ZC3HAV1L: variants seen among roughly 807,000 people sequenced by gnomAD.
ZC3HAV1L encodes ZC3HAV1 like.
Under a neutral mutation model 28.2 loss-of-function variants are expected in ZC3HAV1L, and 23 were observed. The observed-to-expected ratio is 0.82, with a 90% CI of 0.59 to 1.16. The LOEUF (loss-of-function observed/expected upper bound fraction) is 1.16. Ranked by LOEUF, ZC3HAV1L falls within the 50% of genes most tolerant of loss-of-function variation. ZC3HAV1L has a pLI of 0.00. For missense variants in ZC3HAV1L, 376 were observed against 387.7 expected (o/e 0.97, Z 0.25); for synonymous variants, 180 against 163.4 (o/e 1.10, Z -0.78).
intron 2 of ZC3HAV1L, among the ~76,000 whole-genome samples, chr7:139,033,037 A>C (rs1442814308): frequency 1.3e-5 from 2 of 152,126 alleles, no homozygotes; most frequent in African/African-American, 4.8e-5. Flanking sequence ...GTGAAACGCT[A>C]TCTCTACCAA....
intron 2 of ZC3HAV1L, among the ~76,000 whole-genome samples, chr7:139,031,276 T>C (rs1387985534): frequency 6.6e-6 from 1 of 152,090 alleles, no homozygotes; most frequent in Admixed American, 6.6e-5. Flanking sequence ...AGCAAGACTC[T>C]GTCTCTACAG....
At chr7:139,028,591 G>C (rs1350353186) in intron 3 of ZC3HAV1L, 111 bp downstream of exon 3, 1 of 1,365,950 alleles carries the variant, frequency 7.3e-7, no homozygotes, top group East Asian at 2.3e-5. Flanking sequence ...ATTAACATAG[G>C]AACTGCTTTG....
Position 139,028,587 on chromosome 7 carries a change from A to G in ZC3HAV1L, c.760+115T>C. On this transcript the variant is annotated intron_variant, in intron 3 of 4. Transcript: ENST00000275766. ...TCCCAAGAACAAAGATGAAATTAAC[A>G]TAGGAACTGCTTTGCCCCCAGACTC... is the stretch of plus-strand genomic sequence containing the variant. 3 of 1,347,762 alleles carry G rather than the reference A, an allele frequency of 2.2e-6. No individual in the cohort carries two copies. The South Asian group carries it at 4.2e-5, about 19-fold the overall frequency. 83.5% of individuals were successfully genotyped at this position (1,347,762 alleles called of 1,614,324 possible). A position where few individuals can be genotyped will look rare whatever the true frequency, so the allele number is the denominator to read the frequency against.
intron 2 of ZC3HAV1L, among the ~76,000 whole-genome samples, chr7:139,032,659 A>G (rs1412081027): frequency 6.6e-6 from 1 of 150,428 alleles, no homozygotes; most frequent in Non-Finnish European, 1.5e-5. Flanking sequence ...ATAAAAATAA[A>G]AATAAAATAA....
rs779584170 is a variant in ZC3HAV1L at position 139,035,851 on chromosome 7, G to C, written c.167C>G (p.Thr56Arg). The change falls in exon 1 of 5, where the codon ACG becomes AGG. Residue 56 changes from threonine to arginine, a missense_variant. Coordinates refer to ENST00000275766, the MANE Select transcript of ZC3HAV1L (RefSeq NM_080660.4). ...PERFLLQEVE[T>R]QEGLGDAEAE... is the part of the protein sequence containing the mutation. ...CTCCGCGTCCCCGAGGCCCTCCTGC[G>C]TCTCCACCTCCTGCAGCAGGAAACG... The C allele has an allele frequency of 2.0e-6, 3 of 1,504,036 alleles. No individual in the cohort carries two copies. Among genetic ancestry groups the C allele is most frequent in the Non-Finnish European group, 2.6e-6 (3 of 1,134,390 alleles). 93.2% of individuals were successfully genotyped at this position (1,504,036 alleles called of 1,614,324 possible).
chr7:139,035,440 A>G lies in ZC3HAV1L; in HGVS notation c.365+213T>C, dbSNP rs184631964. On this transcript the variant is annotated intron_variant, in intron 1 of 4. Transcript: ENST00000275766. ...AACTTTTCTGGCGTGGGCGGTTGAG[A>G]CGTCTCCATGGAGAGGACCTTCGCG... The G allele has an allele frequency of 6.1e-6, 6 of 985,150 alleles. No individual in the cohort carries two copies. In the Admixed American group the frequency reaches 3.1e-4, roughly 51 times the overall value. 61.0% of individuals were successfully genotyped at this position (985,150 alleles called of 1,614,324 possible).
Position 139,026,418 on chromosome 7 carries a change from C to T in ZC3HAV1L, c.*126G>A, listed in dbSNP as rs1227927738. The T allele has an allele frequency of 4.1e-6, 6 of 1,461,728 alleles. No individual in the cohort carries two copies. The highest frequency in any genetic ancestry group is 5.5e-6 in the Non-Finnish European group (6 of 1,099,666). The allele number at this position is 1,461,728 out of a possible 1,614,324, so 90.5% of individuals were successfully genotyped here. A position where few individuals can be genotyped will look rare whatever the true frequency, so the allele number is the denominator to read the frequency against. ...AGCAGCTGCCATCTTCAGCACTTGC[C>T]CTGGACTAGCCCCATCTGCACTCAA... On this transcript the variant is annotated 3_prime_UTR_variant, in exon 5 of 5. Transcript: ENST00000275766.
intron 1 of ZC3HAV1L, 169 bp from the exon 2 acceptor site, chr7:139,034,847 G>A (rs1815651397): frequency 2.0e-6 from 2 of 985,270 alleles, no homozygotes; most frequent in Non-Finnish European, 2.4e-6. Flanking sequence ...AAGAAAATTG[G>A]GTTGAAGGAA....
chr7:139,028,844 G>A lies in ZC3HAV1L; in HGVS notation c.618C>T (p.Thr206=), dbSNP rs771762003. The A allele has an allele frequency of 1.3e-5, 21 of 1,613,988 alleles. No individual in the cohort carries two copies. The highest frequency in any genetic ancestry group is 1.8e-5 in the Non-Finnish European group (21 of 1,180,032). The change falls in exon 3 of 5, where the codon ACC becomes ACT. Residue 206 remains threonine (T), a synonymous_variant. Coordinates refer to ENST00000275766, the MANE Select transcript of ZC3HAV1L (RefSeq NM_080660.4). ...SFVKGECKLQ[T]CKRSHQLIHA... ...GGATAAGCTGATGGGACCGTTTGCAGGTCTGAAGTTTGCATTCTCCTTTCA... is the reference window on the plus strand; with the variant it reads ...GGATAAGCTGATGGGACCGTTTGCAAGTCTGAAGTTTGCATTCTCCTTTCA...
chr7:139,025,529 C>T (rs1398140826), downstream of ZC3HAV1L, among the ~76,000 whole-genome samples: 1 of 151,548 alleles, frequency 6.6e-6, no homozygotes, highest in South Asian at 2.1e-4. Flanking sequence ...GTACTACTGG[C>T]TGAGGATGGA....
intron 3 of ZC3HAV1L, among the ~76,000 whole-genome samples, chr7:139,027,523 TA>T (rs1815390767): frequency 6.6e-6 from 1 of 151,992 alleles, no homozygotes; most frequent in Non-Finnish European, 1.5e-5. Context: ...AGAAAAATTT[TA>T]AAAAATAGCT....
intron 1 of ZC3HAV1L, chr7:139,034,904 C>A (rs1302654756): frequency 1.0e-6 from 1 of 985,314 alleles, no homozygotes; most frequent in Non-Finnish European, 1.2e-6. Context: ...TGCTTTGAAG[C>A]CAAGGGTCGC....
At position 139,035,843 on chromosome 7, in the gene ZC3HAV1L, C is replaced by T. The variant is rs755633887; in HGVS notation, c.175G>A (p.Gly59Ser). 1.3e-5 allele frequency: 20 copies of T among 1,498,894 alleles called. No homozygotes were observed. In the South Asian group the frequency reaches 1.9e-4, roughly 14 times the overall value. The allele number at this position is 1,498,894 out of a possible 1,614,324, so 92.8% of individuals were successfully genotyped here. The change falls in exon 1 of 5, where the codon GGC becomes AGC. Residue 59 changes from glycine to serine, a missense_variant. Transcript: ENST00000275766. ...GCCTCGGCCTCCGCGTCCCCGAGGC[C>T]CTCCTGCGTCTCCACCTCCTGCAGC... The part of the protein sequence containing the change: ...FLLQEVETQE[G>S]LGDAEAEAAA...
At chr7:139,034,108 A>C (rs1443070186) in intron 2 of ZC3HAV1L, 1 of 985,306 alleles carries the variant, frequency 1.0e-6, no homozygotes, top group Non-Finnish European at 1.2e-6. Context: ...TCCTACCTCT[A>C]GTCTTGTGGC....
intron 2 of ZC3HAV1L, among the ~76,000 whole-genome samples, chr7:139,030,850 TTAATTAAA>T (rs1815511139): frequency 6.6e-6 from 1 of 151,002 alleles, no homozygotes; most frequent in South Asian, 2.1e-4. Flanking sequence ...AATTAATTAA[TTAATTAAA>T]TAAAGTGAAA....
At position 139,036,022 on chromosome 7, in the gene ZC3HAV1L, G is replaced by C; in HGVS notation, c.-5C>G. The C allele has an allele frequency of 1.7e-5, 25 of 1,499,422 alleles. No homozygotes were observed. Among genetic ancestry groups the C allele is most frequent in the Non-Finnish European group, 2.2e-5 (25 of 1,132,320 alleles). 92.9% of individuals were successfully genotyped at this position (1,499,422 alleles called of 1,614,324 possible). Reference sequence around the variant, plus strand: ...GCACACTGTGGGCTCCGCCATGGTCGCTGGCGCGGGCCCTGTGCGCGCGGC... The same window carrying C: ...GCACACTGTGGGCTCCGCCATGGTCCCTGGCGCGGGCCCTGTGCGCGCGGC... On this transcript the variant is annotated 5_prime_UTR_variant, in exon 1 of 5. Transcript: ENST00000275766.
chr7:139,028,775 A>G lies in ZC3HAV1L; in HGVS notation c.687T>C (p.Ile229=). 6.2e-7 allele frequency: 1 copy of G among 1,614,216 alleles called. No homozygotes were observed. Among genetic ancestry groups the G allele is most frequent in the Non-Finnish European group, 8.5e-7 (1 of 1,180,040 alleles). ...TTATCTGAAAATTAACAACACTTGG[A>G]ATATTCAGTCCTTGGTCCTGTAGCA... ...LKLLQDQGLN[I]PSVVNFQIIS... is the part of the protein sequence containing the mutation. The change falls in exon 3 of 5, where the codon ATT becomes ATC. Residue 229 remains isoleucine (I), a synonymous_variant. Transcript: ENST00000275766.
At chr7:139,030,487 A>G (rs1374452906) in intron 2 of ZC3HAV1L, among the ~76,000 whole-genome samples, 1 of 151,988 alleles carries the variant, frequency 6.6e-6, no homozygotes, top group East Asian at 1.9e-4. Flanking sequence ...GTGAGCTGAG[A>G]TTGCGCCACT....
At chr7:139,030,857 A>ATT (rs1815511634) in intron 2 of ZC3HAV1L, among the ~76,000 whole-genome samples, 3 of 151,316 alleles carry the variant, frequency 2.0e-5, no homozygotes, top group African/African-American at 7.3e-5. Flanking sequence ...TAATTAATTA[A>ATT]ATAAAGTGAA....
Sources: gnomAD v4.1 joint callset for allele counts (sites outside exome capture counted in the v4.1 genomes callset) on GRCh38, gnomAD v4.1.1 for gene constraint, MANE v1.5 for transcripts, NCBI Gene and HGNC (gene_info 2026-07-23, HGNC 2026-07-21) for gene names.